Variants in PTPRH observed in about 807,000 individuals in gnomAD.
PTPRH encodes receptor-type tyrosine-protein phosphatase H.
PTPRH carries 113 observed loss-of-function variants against 130.2 expected under a neutral mutation model. That is an observed-to-expected ratio of 0.87 (90% confidence interval 0.75 to 1.01). PTPRH has a LOEUF of 1.01. Ranked by LOEUF, PTPRH falls within the 50% of genes least tolerant of loss-of-function variation. The pLI is 0.00. For missense variants in PTPRH, 1,430 were observed against 1,425.0 expected (o/e 1.00, Z -0.06); for synonymous variants, 556 against 577.9 (o/e 0.96, Z 0.54).
chr19:55,184,153 A>G (rs1488526750), intron 18 of PTPRH, among the ~76,000 whole-genome samples: 2 of 151,778 alleles, frequency 1.3e-5, no homozygotes, highest in Non-Finnish European at 2.9e-5. Flanking sequence ...GCGTGGTGGC[A>G]CATGCCTGTA....
intron 4 of PTPRH, 52 bp downstream of exon 4, chr19:55,205,274 C>A (rs2087008340): frequency 6.2e-7 from 1 of 1,605,954 alleles, no homozygotes. Flanking sequence ...CGTTCTCCTG[C>A]CTACTGCCCC....
intron 10 of PTPRH, among the ~76,000 whole-genome samples, chr19:55,192,575 A>G (rs2147456359): frequency 6.6e-6 from 1 of 151,504 alleles, no homozygotes; most frequent in East Asian, 2.0e-4. Context: ...TTTCTGAGAC[A>G]GAGTCTTGCT....
chr19:55,204,206 G>A (rs1180178309), intron 4 of PTPRH, among the ~76,000 whole-genome samples, 158 bp from the exon 5 acceptor site: 6 of 152,118 alleles, frequency 3.9e-5, no homozygotes, highest in Non-Finnish European at 7.4e-5. Context: ...CACAGCCTCC[G>A]CCGTCCGGGT....
At chr19:55,190,964 C>T (rs1192387972) in intron 12 of PTPRH, among the ~76,000 whole-genome samples, 1 of 152,136 alleles carries the variant, frequency 6.6e-6, no homozygotes, top group Non-Finnish European at 1.5e-5. Context: ...GCCTCAGCCT[C>T]CCAAGTAGCT....
intron 3 of PTPRH, 56 bp downstream of exon 3, chr19:55,206,633 C>T: frequency 6.8e-7 from 1 of 1,477,146 alleles, no homozygotes; most frequent in Non-Finnish European, 9.1e-7. Context: ...CTCTCAACCA[C>T]CCCCTACCAC....
chr19:55,187,613 C>T lies in PTPRH; in HGVS notation c.2476-10G>A, dbSNP rs780475517. On this transcript the variant is annotated splice_polypyrimidine_tract_variant and intron_variant, in intron 13 of 19. Transcript: ENST00000376350. Reference sequence around the variant, plus strand: ...CCACCAGGGAGAGTTGCTGGGGATGCAGGGAGAGGGGGTACCTGGTGTTGG... The same window carrying T: ...CCACCAGGGAGAGTTGCTGGGGATGTAGGGAGAGGGGGTACCTGGTGTTGG... 5 of 1,600,220 alleles carry T rather than the reference C, an allele frequency of 3.1e-6. No individual in the cohort carries two copies. The South Asian group carries it at 4.4e-5, about 14-fold the overall frequency.
intron 19 of PTPRH, 29 bp from the exon 20 acceptor site, chr19:55,181,932 G>A (rs962404690): frequency 2.3e-5 from 37 of 1,613,928 alleles, no homozygotes; most frequent in African/African-American, 1.2e-4. Flanking sequence ...AGTGAGAGGC[G>A]TCCCCCCAGG....
At chr19:55,204,792 C>A (rs2086991485) in intron 4 of PTPRH, among the ~76,000 whole-genome samples, 1 of 152,172 alleles carries the variant, frequency 6.6e-6, no homozygotes, top group Non-Finnish European at 1.5e-5. Flanking sequence ...GGAAGCCCTT[C>A]AACAGGGCTT....
rs545622394 is a variant in PTPRH, at chr19:55,205,522, G to C, written c.423C>G (p.Val141=). ...AGTTCTGTGGGTCTGGGCCGTCGGG[G>C]ACCTCCCAGGTCAGGGCGATGGAGC... The part of the protein sequence containing the change: ...TNSSIALTWE[V]PDGPDPQNST... The change falls in exon 4 of 20, where the codon GTC becomes GTG. Residue 141 remains valine, a synonymous_variant. Coordinates refer to ENST00000376350, the MANE Select transcript of PTPRH (RefSeq NM_002842.5). 2 of 1,614,210 alleles carry C rather than the reference G, an allele frequency of 1.2e-6. No homozygotes were observed. Among genetic ancestry groups the C allele is most frequent in the African/African-American group, 2.7e-5 (2 of 75,062 alleles).
At chr19:55,205,791 G>A (rs1187360245) in intron 3 of PTPRH, among the ~76,000 whole-genome samples, 199 bp from the exon 4 acceptor site, 2 of 152,220 alleles carry the variant, frequency 1.3e-5, no homozygotes, top group Non-Finnish European at 2.9e-5. Flanking sequence ...GTTAGTGGAA[G>A]ATCCACACCG....
intron 4 of PTPRH, 123 bp from the exon 5 acceptor site, chr19:55,204,171 G>A (rs953392421): frequency 1.8e-6 from 2 of 1,121,268 alleles, no homozygotes; most frequent in African/African-American, 1.6e-5. Context: ...CCAGGCTGGA[G>A]TGCAGTGGCA....
chr19:55,203,584 T>C (rs78095628), intron 5 of PTPRH, among the ~76,000 whole-genome samples, 198 bp downstream of exon 5: 1 of 151,362 alleles, frequency 6.6e-6, no homozygotes, highest in Non-Finnish European at 1.5e-5. Flanking sequence ...GCTACTTTTT[T>C]ATTTTTTTTG....
chr19:55,205,378 C>T lies in PTPRH; in HGVS notation c.567G>A (p.Trp189Ter), dbSNP rs754337058. 2.5e-6 allele frequency: 4 copies of T among 1,614,066 alleles called. No individual in the cohort carries two copies. The highest frequency in any genetic ancestry group is 2.7e-5 in the African/African-American group (2 of 74,906). The change falls in exon 4 of 20, where the codon TGG (tryptophan) becomes TGA (stop). Residue 189 changes from tryptophan (W) to a stop codon, truncating the protein, a stop_gained. Transcript: ENST00000376350. LOFTEE classifies it high-confidence loss of function. ...EPGCLYAFSM[W>*]VGKNGINSSR... ...AGCTGTTGATTCCATTCTTTCCCAC[C>T]CACATGGAAAACGCATACAAACACC...
At position 55,181,824 on chromosome 19, in the gene PTPRH, G is replaced by C. The variant is rs112913803; in HGVS notation, c.3278C>G (p.Pro1093Arg). The stretch of plus-strand genomic sequence containing the variant: ...GATGAGGTTTTCGACATCCTCATAC[G>C]GGACTTCCTTCTCGGCTGGGGCCTG... ...SAQAPAEKEV[P>R]YEDVENLIYE... Residue 1093 changes from proline (P) to arginine (R), a missense_variant, in exon 20 of 20, where the codon CCG (proline) becomes CGG (arginine). By Grantham distance (103) the Pro-to-Arg change is moderately radical. Coordinates refer to ENST00000376350, the MANE Select transcript of PTPRH (RefSeq NM_002842.5). The C allele has an allele frequency of 1.9e-6, 3 of 1,614,176 alleles. No homozygotes were observed. The highest frequency in any genetic ancestry group is 1.7e-6 in the Non-Finnish European group (2 of 1,180,030).
chr19:55,200,247 C>G lies in PTPRH; in HGVS notation c.1409G>C (p.Ser470Thr). 6.2e-7 allele frequency: 1 copy of G among 1,614,228 alleles called. No individual in the cohort carries two copies. The highest frequency in any genetic ancestry group is 8.5e-7 in the Non-Finnish European group (1 of 1,180,034). Residue 470 changes from serine to threonine, a missense_variant, in exon 7 of 20, where the codon AGC (serine) becomes ACC (threonine). Ser to Thr is a moderately conservative substitution (Grantham distance 58). Transcript: ENST00000376350. Reference sequence around the variant, plus strand: ...TTGAGGGTTCCTACCTGTGGAGATGCTGACATTCTGCCTGGAGCCACGTGC... The same window carrying G: ...TTGAGGGTTCCTACCTGTGGAGATGGTGACATTCTGCCTGGAGCCACGTGC... ...NGARGSRQNV[S>T]ISTVPNAVTS...
At position 55,207,169 on chromosome 19, in the gene PTPRH, G is replaced by A. The variant is rs1036977337; in HGVS notation, c.82C>T (p.Pro28Ser). The change falls in exon 2 of 20, where the codon CCT (proline) becomes TCT (serine). Residue 28 changes from proline (P) to serine (S), a missense_variant. Transcript: ENST00000376350. ...GLCSWTGARAPAPNPGRNLTV... is the reference protein window; with the variant it reads ...GLCSWTGARASAPNPGRNLTV... Reference sequence around the variant, plus strand: ...AGTTCAGGCAGGGGTCACTCACCAGGCGCCCTGGCCCCTGTCCAGCTGCAC... The same window carrying A: ...AGTTCAGGCAGGGGTCACTCACCAGACGCCCTGGCCCCTGTCCAGCTGCAC... 8 of 1,613,244 alleles carry A rather than the reference G, an allele frequency of 5.0e-6. No individual in the cohort carries two copies. The highest frequency in any genetic ancestry group is 6.8e-6 in the Non-Finnish European group (8 of 1,179,782).
intron 3 of PTPRH, 98 bp downstream of exon 3, chr19:55,206,591 A>C: frequency 7.8e-7 from 1 of 1,274,592 alleles, no homozygotes. Context: ...CTGTGTTTCT[A>C]TCCAACTAAA....
At position 55,191,510 on chromosome 19, in the gene PTPRH, A is replaced by T; in HGVS notation, c.2375T>A (p.Leu792Gln). 1 of 1,614,146 alleles carries T rather than the reference A, an allele frequency of 6.2e-7. No individual in the cohort carries two copies. Among genetic ancestry groups the T allele is most frequent in the Non-Finnish European group, 8.5e-7 (1 of 1,180,022 alleles). ...CAGACCTTCTGCTCACCTAAAGACCAGATCCCTGAGTTCTGGTTTCTGCTG... is the reference window on the plus strand; with the variant it reads ...CAGACCTTCTGCTCACCTAAAGACCTGATCCCTGAGTTCTGGTTTCTGCTG... ...KKQQKPELRDLVFSSPGDIPA... is the reference protein window; with the variant it reads ...KKQQKPELRDQVFSSPGDIPA... Residue 792 changes from leucine to glutamine, a missense_variant, in exon 12 of 20, where the codon CTG (leucine) becomes CAG (glutamine). Physicochemically the swap from Leu to Gln is moderately radical, Grantham distance 113. Transcript: ENST00000376350.
intron 3 of PTPRH, among the ~76,000 whole-genome samples, chr19:55,206,030 C>T (rs1298486220): frequency 5.9e-5 from 9 of 152,052 alleles, no homozygotes; most frequent in East Asian, 1.9e-4. Context: ...GTCAGGAGTT[C>T]GAGACCAGCC....
Sources: allele counts gnomAD v4.1 joint callset (sites outside exome capture counted in the v4.1 genomes callset), GRCh38; gene constraint gnomAD v4.1.1; transcripts MANE v1.5; gene names NCBI Gene and HGNC (gene_info 2026-07-23, HGNC 2026-07-21).